The following ZNF761 variants were observed in gnomAD, a reference collection of about 807,000 sequenced individuals.
ZNF761 encodes zinc finger protein 761.
ZNF761 carries 43 observed loss-of-function variants against 59.9 expected under a neutral mutation model. The observed-to-expected ratio is 0.72, with a 90% CI of 0.56 to 0.92. The LOEUF (loss-of-function observed/expected upper bound fraction) is 0.92, where lower values mean the gene tolerates loss of function less well. Ranked by LOEUF, ZNF761 falls within the 40% of genes least tolerant of loss-of-function variation. ZNF761 has a pLI of 0.00. For synonymous variants in ZNF761, 294 were observed against 304.8 expected (o/e 0.96, Z 0.37); for missense variants, 850 against 906.1 (o/e 0.94, Z 0.79).
rs1229067261 is a variant in ZNF761, at chr19:53,454,984, A to T, written c.477A>T (p.Lys159Asn). 6.2e-7 allele frequency: 1 copy of T among 1,614,190 alleles called. No homozygotes were observed. The highest frequency in any genetic ancestry group is 8.5e-7 in the Non-Finnish European group (1 of 1,180,044). The change falls in exon 5 of 5, where the codon AAA (lysine) becomes AAT (asparagine). Residue 159 changes from lysine (K) to asparagine (N), a missense_variant. By Grantham distance (94) the Lys-to-Asn change is moderately conservative (BLOSUM62 0). Transcript: ENST00000684525. ...PEMHIFQTEE[K>N]IDNQVVKSVH... ...TGCACATATTTCAGACCGAAGAGAA[A>T]ATTGATAATCAAGTTGTGAAGTCTG...
chr19:53,443,450 A>C (rs926668625), intron 1 of ZNF761: 2 of 152,340 alleles, frequency 1.3e-5, no homozygotes, highest in Admixed American at 6.5e-5. Context: ...CAGGGGGCCA[A>C]CGCTAGTATG....
intron 1 of ZNF761, chr19:53,444,024 T>A (rs1381991049): frequency 6.6e-6 from 1 of 152,606 alleles, no homozygotes; most frequent in East Asian, 1.9e-4. Context: ...GTAAAAGTCA[T>A]CACCATTCTC....
intron 4 of ZNF761, chr19:53,450,172 A>G (rs535654869): frequency 2.0e-4 from 26 of 129,328 alleles, no homozygotes; most frequent in Non-Finnish European, 3.3e-4. Context: ...GTGTGGTGGC[A>G]TGGGCCTGTA....
At chr19:53,447,064 A>G (rs2086168153) in intron 2 of ZNF761, 132 bp from the exon 3 acceptor site, 1 of 509,142 alleles carries the variant, frequency 2.0e-6, no homozygotes, top group African/African-American at 1.9e-5. Flanking sequence ...GTGGCAGTTT[A>G]TCATCCCTGG....
At chr19:53,453,947 A>T (rs996905312) in intron 4 of ZNF761, among the ~76,000 whole-genome samples, 4 of 152,132 alleles carry the variant, frequency 2.6e-5, no homozygotes, top group African/African-American at 9.7e-5. Context: ...AGGTAATTTT[A>T]TGACAGTTAT....
At chr19:53,451,529 T>C (rs903054463) in intron 4 of ZNF761, among the ~76,000 whole-genome samples, 1 of 152,140 alleles carries the variant, frequency 6.6e-6, no homozygotes, top group African/African-American at 2.4e-5. Flanking sequence ...TATTTACCTT[T>C]ACTGGAGAAC....
chr19:53,435,114 C>A (rs2086024591), intron 1 of ZNF761, among the ~76,000 whole-genome samples: 1 of 151,732 alleles, frequency 6.6e-6, no homozygotes, highest in Non-Finnish European at 1.5e-5. Context: ...GAGAAATAGG[C>A]CATCGGTAAA....
chr19:53,441,880 C>T (rs1182564757), intron 1 of ZNF761: 7 of 1,576,364 alleles, frequency 4.4e-6, no homozygotes, highest in Non-Finnish European at 6.0e-6. Flanking sequence ...GGATCACCAC[C>T]ATCGAGGCAG....
chr19:53,453,116 C>T (rs1365253009), intron 4 of ZNF761, among the ~76,000 whole-genome samples: 1 of 152,182 alleles, frequency 6.6e-6, no homozygotes, highest in African/African-American at 2.4e-5. Context: ...ATTCTCCTGC[C>T]TCAGCCTTCC....
intron 1 of ZNF761, chr19:53,443,358 C>T (rs11668495): frequency 0.035 from 5,288 of 152,916 alleles, 121 homozygotes; most frequent in Middle Eastern, 0.041. Flanking sequence ...TGATCAGACC[C>T]AACACCGGGC....
intron 1 of ZNF761, among the ~76,000 whole-genome samples, chr19:53,436,690 C>T (rs556219839): frequency 2.0e-5 from 3 of 152,274 alleles, no homozygotes; most frequent in South Asian, 2.1e-4. Flanking sequence ...ATTTCAGCTA[C>T]GAATGCTGGC....
intron 1 of ZNF761, chr19:53,444,724 G>A (rs1452118486): frequency 6.6e-6 from 1 of 152,234 alleles, no homozygotes; most frequent in African/African-American, 2.4e-5. Context: ...CAGCTGATGA[G>A]AAATAGCCAC....
Position 53,456,098 on chromosome 19 carries a change from T to G in ZNF761, c.1591T>G (p.Phe531Val). The change falls in exon 5 of 5, where the codon TTT becomes GTT. Residue 531 changes from phenylalanine to valine, a missense_variant. Transcript: ENST00000684525. ...AYKCNECGKT[F>V]SWKSSLTCHR... ...CAAGTGTAATGAGTGCGGCAAGACC[T>G]TTAGTTGGAAGTCATCCCTTACCTG... is the stretch of plus-strand genomic sequence containing the variant. 6.2e-7 allele frequency: 1 copy of G among 1,602,872 alleles called. No homozygotes were observed. The highest frequency in any genetic ancestry group is 1.3e-5 in the African/African-American group (1 of 74,650).
intron 1 of ZNF761, among the ~76,000 whole-genome samples, chr19:53,439,132 A>T (rs1413760795): frequency 6.6e-6 from 1 of 152,004 alleles, no homozygotes; most frequent in Non-Finnish European, 1.5e-5. Flanking sequence ...TTAGGCAGCC[A>T]TGGTGGCAGG....
chr19:53,435,918 G>A (rs764479947), intron 1 of ZNF761, among the ~76,000 whole-genome samples: 11 of 152,168 alleles, frequency 7.2e-5, no homozygotes, highest in Non-Finnish European at 5.9e-5. Flanking sequence ...CTTGCTTGAC[G>A]AGTCCTCAAG....
chr19:53,453,461 T>C (rs1459284956), intron 4 of ZNF761, among the ~76,000 whole-genome samples: 1 of 152,216 alleles, frequency 6.6e-6, no homozygotes, highest in Non-Finnish European at 1.5e-5. Flanking sequence ...TGTATAAATG[T>C]ACTTATTCTT....
At position 53,457,392 on chromosome 19, in the gene ZNF761, T is replaced by C. The variant is rs933282837; in HGVS notation, c.*644T>C. 2.5e-6 allele frequency: 1 copy of C among 401,782 alleles called. No homozygotes were observed. Among genetic ancestry groups the C allele is most frequent in the Non-Finnish European group, 5.0e-6 (1 of 200,108 alleles). 24.9% of individuals were successfully genotyped at this position (401,782 alleles called of 1,614,324 possible). ...CCTATGCAAAACATAGGAGAATTCA[T>C]ACAGGAGAGAAACCTCACATGTGTG... On this transcript the variant is annotated 3_prime_UTR_variant, in exon 5 of 5. Coordinates refer to ENST00000684525, the MANE Select transcript of ZNF761 (RefSeq NM_001289951.2).
intron 1 of ZNF761, chr19:53,442,879 G>GAA: frequency 2.7e-6 from 1 of 377,020 alleles, no homozygotes; most frequent in East Asian, 5.8e-5. Context: ...ATCATGTTGT[G>GAA]AAAAAAAAAA....
Position 53,454,643 on chromosome 19 carries a change from T to G in ZNF761, c.143-7T>G. 1.3e-6 allele frequency: 2 copies of G among 1,577,320 alleles called. No homozygotes were observed. The highest frequency in any genetic ancestry group is 2.7e-5 in the African/African-American group (2 of 73,570). On this transcript the variant is annotated splice_region_variant and splice_polypyrimidine_tract_variant and intron_variant, in intron 4 of 4. Transcript: ENST00000684525. ...ATTTGAAAGCTTTCGGTGTTTATGT[T>G]TTGTAGATATCTCTTCCAAATGCAC...
Sources: gnomAD v4.1 joint callset for allele counts (sites outside exome capture counted in the v4.1 genomes callset) on GRCh38, gnomAD v4.1.1 for gene constraint, MANE v1.5 for transcripts, NCBI Gene and HGNC (gene_info 2026-07-23, HGNC 2026-07-21) for gene names.